TMED10: variants seen among roughly 807,000 people sequenced by gnomAD.
TMED10 encodes transmembrane p24 trafficking protein 10, also known as transmembrane emp24 domain-containing protein 10.
Under a neutral mutation model 23.1 loss-of-function variants are expected in TMED10, and 7 were observed. The observed-to-expected ratio is 0.30, with a 90% CI of 0.17 to 0.57. The LOEUF (loss-of-function observed/expected upper bound fraction) is 0.57. Ranked by LOEUF, TMED10 falls within the 20% of genes least tolerant of loss-of-function variation. The pLI is 0.91. For synonymous variants in TMED10, 113 were observed against 106.9 expected, an observed-to-expected ratio of 1.06 and a Z score of -0.35; for missense variants, 162 against 274.8, an observed-to-expected ratio of 0.59 and a Z score of 2.90.
chr14:75,134,257 GCA>G lies in TMED10; in HGVS notation c.*626_*627del, dbSNP rs1254444474. ...ACACGAAAAAAGTTCAAGCAGTTGAGCACAAATATTTTAATTGTCTAAAATGA... is the reference window on the plus strand; with the variant it reads ...ACACGAAAAAAGTTCAAGCAGTTGAGCAAATATTTTAATTGTCTAAAATGA... On this transcript the variant is annotated 3_prime_UTR_variant, in exon 5 of 5. Coordinates refer to ENST00000303575, the MANE Select transcript of TMED10 (RefSeq NM_006827.6). The G allele has an allele frequency of 6.5e-6, 1 of 153,942 alleles. No individual in the cohort carries two copies. The highest frequency in any genetic ancestry group is 2.4e-5 in the African/African-American group (1 of 41,444). 9.5% of individuals were successfully genotyped at this position (153,942 alleles called of 1,614,324 possible).
Position 75,171,336 on chromosome 14 carries a change from G to A in TMED10, c.225+5019C>T, listed in dbSNP as rs139085781. The stretch of plus-strand genomic sequence containing the variant: ...GCTCTGTCACCCAGGCTGGAGTGCC[G>A]TGGCACGATCTCGGCTCACTACAAT... On this transcript the variant is annotated intron_variant, in intron 1 of 4. Coordinates refer to ENST00000303575, the MANE Select transcript of TMED10 (RefSeq NM_006827.6). Among the ~76,000 whole-genome samples, 1,497 of 151,086 alleles carry A rather than the reference G, an allele frequency of 9.9e-3. 23 individuals are homozygous for A. The highest frequency in any genetic ancestry group is 0.035 in the African/African-American group (1,440 of 41,084).
intron 1 of TMED10, among the ~76,000 whole-genome samples, chr14:75,174,557 C>T (rs1896275424): frequency 6.6e-6 from 1 of 152,038 alleles, no homozygotes; most frequent in South Asian, 2.1e-4. Flanking sequence ...AAAATCATGC[C>T]ATCACTATTT....
intron 1 of TMED10, among the ~76,000 whole-genome samples, chr14:75,155,783 C>A (rs73311673): frequency 0.018 from 2,702 of 152,040 alleles, 86 homozygotes; most frequent in African/African-American, 0.063. Context: ...GAAGAGACAG[C>A]AAATATGAAG....
chr14:75,163,343 AG>A (rs756334881), intron 1 of TMED10, among the ~76,000 whole-genome samples: 3 of 152,066 alleles, frequency 2.0e-5, no homozygotes, highest in Non-Finnish European at 4.4e-5. Flanking sequence ...ACTTGAGGTC[AG>A]GAGTTCGAGA....
chr14:75,155,390 C>G (rs1041070706), intron 1 of TMED10, among the ~76,000 whole-genome samples: 1 of 152,056 alleles, frequency 6.6e-6, no homozygotes, highest in Non-Finnish European at 1.5e-5. Context: ...AAATGATATG[C>G]CTTCATAGTG....
intron 1 of TMED10, among the ~76,000 whole-genome samples, chr14:75,157,488 C>G (rs1896033234): frequency 6.6e-6 from 1 of 151,926 alleles, no homozygotes; most frequent in Admixed American, 6.6e-5. Flanking sequence ...GCCGTCTCTA[C>G]AAAAAATAAA....
In TMED10 at chr14:75,134,672, A is replaced by C; in HGVS notation, c.*213T>G. ...ATAATAGACCTATTGTTGCAAAACC[A>C]GTCAAAATCCTACCAAATTAAAAAG... On this transcript the variant is annotated 3_prime_UTR_variant, in exon 5 of 5. Transcript: ENST00000303575. 1 of 556,148 alleles carries C rather than the reference A, an allele frequency of 1.8e-6. No individual in the cohort carries two copies. Among genetic ancestry groups the C allele is most frequent in the Non-Finnish European group, 3.1e-6 (1 of 321,462 alleles). 34.5% of individuals were successfully genotyped at this position (556,148 alleles called of 1,614,324 possible). A position where few individuals can be genotyped will look rare whatever the true frequency, so the allele number is the denominator to read the frequency against.
In TMED10 at chr14:75,161,790, C is replaced by A. The variant is rs370151078; in HGVS notation, c.226-9647G>T. 5.1e-4 allele frequency among the ~76,000 whole-genome samples: 77 copies of A among 150,604 alleles called. 1 individual carries two copies. The South Asian group carries it at 0.014, about 27-fold the overall frequency. The stretch of plus-strand genomic sequence containing the variant: ...TAAAGTTGCAGGAAGGACGGGACTA[C>A]TTTTGGCCACTTGCTAGCACAACTG... On this transcript the variant is annotated intron_variant, in intron 1 of 4. Transcript: ENST00000303575.
chr14:75,147,565 G>T, intron 3 of TMED10, 99 bp downstream of exon 3: 2 of 1,219,728 alleles, frequency 1.6e-6, no homozygotes, highest in Non-Finnish European at 1.2e-6. Context: ...AGAAACCACA[G>T]CCCTTTGGGC....
intron 1 of TMED10, among the ~76,000 whole-genome samples, chr14:75,154,635 T>C (rs1165657820): frequency 6.6e-6 from 1 of 151,956 alleles, no homozygotes; most frequent in East Asian, 1.9e-4. Flanking sequence ...CCAGCACCAT[T>C]TGCTAATTTG....
chr14:75,152,291 AACTGGATT>A, intron 1 of TMED10, 148 bp from the exon 2 acceptor site: 1 of 632,408 alleles, frequency 1.6e-6, no homozygotes. Context: ...CAAAGACAAA[AACTGGATT>A]AGAAGATTAA....
chr14:75,143,891 G>A (rs1474529200), intron 3 of TMED10, among the ~76,000 whole-genome samples: 2 of 142,502 alleles, frequency 1.4e-5, no homozygotes, highest in South Asian at 2.3e-4. Flanking sequence ...CTAAGATCAC[G>A]CCACTGCACT....
In TMED10 at chr14:75,170,018, G is replaced by T. The variant is rs184226440; in HGVS notation, c.225+6337C>A. Among the ~76,000 whole-genome samples the T allele has an allele frequency of 5.3e-4, 80 of 151,818 alleles. 1 individual carries two copies. Among genetic ancestry groups the T allele is most frequent in the African/African-American group, 1.7e-3 (72 of 41,384 alleles). Reference sequence around the variant, plus strand: ...AGAGGCGGGCGGATCATGAGGTCAGGGGATTGAGACCATCCTGGCTAACAC... The same window carrying T: ...AGAGGCGGGCGGATCATGAGGTCAGTGGATTGAGACCATCCTGGCTAACAC... On this transcript the variant is annotated intron_variant, in intron 1 of 4. Coordinates refer to ENST00000303575, the MANE Select transcript of TMED10 (RefSeq NM_006827.6).
chr14:75,134,826 C>A lies in TMED10; in HGVS notation c.*59G>T. Reference sequence around the variant, plus strand: ...TTGGTAGGATGCCTTAGGCCAGGCACGTCCCAGCGATGTTCTGCTGGCTGA... The same window carrying A: ...TTGGTAGGATGCCTTAGGCCAGGCAAGTCCCAGCGATGTTCTGCTGGCTGA... On this transcript the variant is annotated 3_prime_UTR_variant, in exon 5 of 5. Coordinates refer to ENST00000303575, the MANE Select transcript of TMED10 (RefSeq NM_006827.6). The A allele has an allele frequency of 6.2e-7, 1 of 1,606,802 alleles. No homozygotes were observed. The highest frequency in any genetic ancestry group is 8.5e-7 in the Non-Finnish European group (1 of 1,175,538).
chr14:75,148,002 A>G (rs1203485898), intron 2 of TMED10: 12 of 534,748 alleles, frequency 2.2e-5, no homozygotes, highest in Admixed American at 6.2e-5. Context: ...CAAGGACACA[A>G]GATACTGCAA....
At chr14:75,160,396 A>T (rs756299575) in intron 1 of TMED10, among the ~76,000 whole-genome samples, 12 of 148,538 alleles carry the variant, frequency 8.1e-5, no homozygotes, top group Non-Finnish European at 1.6e-4. Flanking sequence ...CTAAAAAAAT[A>T]AAATGATAGC....
chr14:75,168,832 A>G (rs1896195313), intron 1 of TMED10, among the ~76,000 whole-genome samples: 1 of 152,246 alleles, frequency 6.6e-6, no homozygotes, highest in African/African-American at 2.4e-5. Flanking sequence ...GAGTTCACAA[A>G]GTAAACACTA....
chr14:75,154,132 C>G (rs887197646), intron 1 of TMED10, among the ~76,000 whole-genome samples: 1 of 149,528 alleles, frequency 6.7e-6, no homozygotes, highest in Non-Finnish European at 1.5e-5. Context: ...GCTCACGCAC[C>G]TGTAATCCCA....
intron 1 of TMED10, among the ~76,000 whole-genome samples, chr14:75,168,487 A>G (rs1288500574): frequency 1.3e-5 from 2 of 152,190 alleles, no homozygotes; most frequent in African/African-American, 4.8e-5. Context: ...CATTCAATAC[A>G]GAGGAAAGAA....
Sources: allele counts gnomAD v4.1 joint callset (sites outside exome capture counted in the v4.1 genomes callset), GRCh38; gene constraint gnomAD v4.1.1; transcripts MANE v1.5; gene names NCBI Gene and HGNC (gene_info 2026-07-23, HGNC 2026-07-21).